The following ARHGEF38 variants were observed in gnomAD, a reference collection of about 807,000 sequenced individuals.
ARHGEF38 encodes the protein Rho guanine nucleotide exchange factor 38.
A neutral mutation model predicts 79.9 loss-of-function variants in ARHGEF38; 79 were observed. The observed-to-expected ratio is 0.99, with a 90% CI of 0.82 to 1.19. The LOEUF (loss-of-function observed/expected upper bound fraction) is 1.19, where lower values mean the gene tolerates loss of function less well. ARHGEF38 is among the 50% of genes most tolerant of loss of function. The probability of loss-of-function intolerance (pLI) is 0.00; values close to 1 mark genes in which losing one functional copy is unlikely to be tolerated. For missense variants in ARHGEF38, 962 were observed against 907.2 expected (o/e 1.06, Z -0.78); for synonymous variants, 366 against 328.3 (o/e 1.11, Z -1.24).
intron 1 of ARHGEF38, 63 bp downstream of exon 1, chr4:105,553,024 C>A: frequency 7.5e-7 from 1 of 1,333,754 alleles, no homozygotes; most frequent in Admixed American, 2.5e-5. Context: ...TGCTACGTTT[C>A]CAATTGCAAA....
chr4:105,631,174 G>T, intron 4 of ARHGEF38, 129 bp downstream of exon 4: 1 of 1,315,788 alleles, frequency 7.6e-7, no homozygotes, highest in East Asian at 2.9e-5. Context: ...GCTCTGCTTT[G>T]CATTCCCTTT....
intron 4 of ARHGEF38, among the ~76,000 whole-genome samples, chr4:105,631,987 C>G (rs908134047): frequency 2.6e-5 from 4 of 152,080 alleles, no homozygotes; most frequent in African/African-American, 7.2e-5. Flanking sequence ...CTGTAGCACA[C>G]CTCCCCCGTT....
intron 7 of ARHGEF38, among the ~76,000 whole-genome samples, chr4:105,649,690 A>G (rs1730017269): frequency 6.6e-6 from 1 of 152,144 alleles, no homozygotes; most frequent in Non-Finnish European, 1.5e-5. Context: ...TTGGTTTCAG[A>G]TGGCTTTGGC....
At chr4:105,632,191 T>A (rs1309199147) in intron 4 of ARHGEF38, among the ~76,000 whole-genome samples, 1 of 152,140 alleles carries the variant, frequency 6.6e-6, no homozygotes, top group East Asian at 1.9e-4. Flanking sequence ...ATAAATAAAA[T>A]TTCAACTTTA....
At chr4:105,561,286 C>T (rs913767445) in intron 1 of ARHGEF38, among the ~76,000 whole-genome samples, 24 of 151,842 alleles carry the variant, frequency 1.6e-4, no homozygotes, top group Admixed American at 8.5e-4. Flanking sequence ...CCTGTAATCC[C>T]AGCTACTTGG....
chr4:105,655,380 C>T (rs1391296254), intron 8 of ARHGEF38, among the ~76,000 whole-genome samples: 2 of 152,046 alleles, frequency 1.3e-5, no homozygotes, highest in African/African-American at 2.4e-5. Flanking sequence ...CAAAGAGGGT[C>T]GTATACAGAG....
chr4:105,552,878 T>C lies in ARHGEF38; in HGVS notation c.113T>C (p.Val38Ala), dbSNP rs780289579. Residue 38 changes from valine to alanine, a missense_variant, in exon 1 of 14, where the codon GTT becomes GCT. Val to Ala is a moderately conservative substitution (Grantham distance 64, BLOSUM62 0). Transcript: ENST00000420470. ...GAGAGAAGGAAGACTGACACTGTGG[T>C]TGAGAGCAGTGTTTCTGGGGACCAC... is the stretch of plus-strand genomic sequence containing the variant. ...MLERRKTDTV[V>A]ESSVSGDHSG... The C allele has an allele frequency of 5.0e-6, 8 of 1,613,798 alleles. No individual in the cohort carries two copies. The African/African-American group carries it at 8.0e-5, about 16-fold the overall frequency.
intron 1 of ARHGEF38, among the ~76,000 whole-genome samples, chr4:105,553,514 T>A (rs1725103328): frequency 6.6e-6 from 1 of 152,220 alleles, no homozygotes; most frequent in Admixed American, 6.5e-5. Flanking sequence ...TTATTTCCTT[T>A]GAGTAAATTG....
At chr4:105,634,394 T>C (rs1189614045) in intron 4 of ARHGEF38, among the ~76,000 whole-genome samples, 2 of 152,158 alleles carry the variant, frequency 1.3e-5, no homozygotes, top group African/African-American at 4.8e-5. Context: ...AAGTTTTTAT[T>C]TATTCAACAA....
At position 105,679,332 on chromosome 4, in the gene ARHGEF38, A is replaced by T; in HGVS notation, c.*1395A>T. 1.1e-6 allele frequency: 1 copy of T among 917,348 alleles called. No homozygotes were observed. Among genetic ancestry groups the T allele is most frequent in the East Asian group, 2.4e-5 (1 of 41,608 alleles). The allele number at this position is 917,348 out of a possible 1,614,324, so 56.8% of individuals were successfully genotyped here. A position where few individuals can be genotyped will look rare whatever the true frequency, so the allele number is the denominator to read the frequency against. On this transcript the variant is annotated 3_prime_UTR_variant, in exon 14 of 14. Transcript: ENST00000420470. ...TGTAACCTTTGACTCAATTGGAGGA[A>T]TATCAAAGCAAACACCCATATTTCC...
intron 7 of ARHGEF38, among the ~76,000 whole-genome samples, chr4:105,649,391 C>T (rs1729994823): frequency 6.6e-6 from 1 of 152,138 alleles, no homozygotes. Flanking sequence ...CTCAAGGGTA[C>T]AATCTAGAAG....
At chr4:105,592,085 C>T (rs1052665161) in intron 2 of ARHGEF38, among the ~76,000 whole-genome samples, 3 of 152,042 alleles carry the variant, frequency 2.0e-5, no homozygotes, top group Non-Finnish European at 2.9e-5. Flanking sequence ...TGGTACAGTC[C>T]TCCCTGTCAA....
intron 2 of ARHGEF38, among the ~76,000 whole-genome samples, chr4:105,599,571 C>T (rs187027561): frequency 2.6e-5 from 4 of 151,942 alleles, no homozygotes; most frequent in Non-Finnish European, 4.4e-5. Flanking sequence ...GTAGAATAAG[C>T]GACAAAATTT....
At chr4:105,565,977 C>G (rs567710590) in intron 1 of ARHGEF38, among the ~76,000 whole-genome samples, 1 of 152,166 alleles carries the variant, frequency 6.6e-6, no homozygotes, top group Non-Finnish European at 1.5e-5. Flanking sequence ...CCTTCTTTCC[C>G]CTAGTGACTG....
In ARHGEF38 at chr4:105,659,123, A is replaced by C. The variant is rs919553595; in HGVS notation, c.1303A>C (p.Lys435Gln). ...ALLSLFPGPH[K>Q]LIQKRYDKLL... Reference sequence around the variant, plus strand: ...GCTGTCCTTATTCCCAGGGCCTCACAAGCTCATCCAGAAACGCTATGACAA... The same window carrying C: ...GCTGTCCTTATTCCCAGGGCCTCACCAGCTCATCCAGAAACGCTATGACAA... Residue 435 changes from lysine (K) to glutamine (Q), a missense_variant, in exon 10 of 14, where the codon AAG (lysine) becomes CAG (glutamine). By Grantham distance (53) the Lys-to-Gln change is moderately conservative. Coordinates refer to ENST00000420470, the MANE Select transcript of ARHGEF38 (RefSeq NM_001242729.2). 13 of 1,536,026 alleles carry C rather than the reference A, an allele frequency of 8.5e-6. 1 individual carries two copies. In the African/African-American group the frequency reaches 1.2e-4, roughly 15 times the overall value.
intron 13 of ARHGEF38, among the ~76,000 whole-genome samples, chr4:105,670,634 T>C (rs1730927686): frequency 6.6e-6 from 1 of 152,204 alleles, no homozygotes; most frequent in South Asian, 2.1e-4. Context: ...CTTATTACCC[T>C]TCTGTCTTGA....
At chr4:105,581,431 T>C (rs1383567241) in intron 1 of ARHGEF38, among the ~76,000 whole-genome samples, 1 of 152,168 alleles carries the variant, frequency 6.6e-6, no homozygotes, top group Non-Finnish European at 1.5e-5. Context: ...TAGTTGAACC[T>C]TCTTATTCAA....
chr4:105,578,680 T>C (rs146616285), intron 1 of ARHGEF38, among the ~76,000 whole-genome samples: 7 of 152,318 alleles, frequency 4.6e-5, no homozygotes, highest in Admixed American at 2.0e-4. Flanking sequence ...TTTTGTCTTT[T>C]ACTGTTGTTG....
intron 5 of ARHGEF38, among the ~76,000 whole-genome samples, chr4:105,638,698 A>G (rs1729497796): frequency 6.7e-6 from 1 of 150,098 alleles, no homozygotes; most frequent in Non-Finnish European, 1.5e-5. Flanking sequence ...CTAAAATAGG[A>G]ACACTATACG....
Sources: allele counts gnomAD v4.1 joint callset (sites outside exome capture counted in the v4.1 genomes callset), GRCh38; gene constraint gnomAD v4.1.1; transcripts MANE v1.5; gene names NCBI Gene and HGNC (gene_info 2026-07-23, HGNC 2026-07-21).